GSTP1: variants seen among roughly 807,000 people sequenced by gnomAD.
The protein encoded by GSTP1 is glutathione S-transferase P.
A neutral mutation model predicts 29.4 loss-of-function variants in GSTP1; 28 were observed. That is an observed-to-expected ratio of 0.95 (90% CI 0.71 to 1.30). The LOEUF (loss-of-function observed/expected upper bound fraction) is 1.30. Ranked by LOEUF, GSTP1 falls within the 50% of genes most tolerant of loss-of-function variation. GSTP1 has a pLI of 0.00. For synonymous variants in GSTP1, 122 were observed against 117.0 expected, an observed-to-expected ratio of 1.04 and a Z score of -0.28; for missense variants, 267 against 266.1, an observed-to-expected ratio of 1.00 and a Z score of -0.02.
In GSTP1 at chr11:67,585,131, A is replaced by G; in HGVS notation, c.233-7A>G. 3 of 1,598,292 alleles carry G rather than the reference A, an allele frequency of 1.9e-6. No individual in the cohort carries two copies. The South Asian group carries it at 3.3e-5, about 18-fold the overall frequency. On this transcript the variant is annotated splice_polypyrimidine_tract_variant and splice_region_variant and intron_variant, in intron 4 of 6. Transcript: ENST00000398606. The stretch of plus-strand genomic sequence containing the variant: ...CACGCGGCCTGCTCCCCTCCACCCA[A>G]CCCCAGGGCTCTATGGGAAGGACCA...
Position 67,584,178 on chromosome 11 carries a change from A to G in GSTP1, c.37+9A>G. On this transcript the variant is annotated intron_variant, in intron 2 of 6. Transcript: ENST00000398606. ...CTATTTCCCAGTTCGAGGTAGGAGC[A>G]TGTGTCTGGCAGGGAAGGGAGGCAG... 2 of 1,609,110 alleles carry G rather than the reference A, an allele frequency of 1.2e-6. No individual in the cohort carries two copies. The highest frequency in any genetic ancestry group is 1.7e-4 in the Middle Eastern group (1 of 6,044).
chr11:67,585,747 C>T (rs1346889168), intron 5 of GSTP1, among the ~76,000 whole-genome samples: 1 of 151,958 alleles, frequency 6.6e-6, no homozygotes, highest in Non-Finnish European at 1.5e-5. Context: ...GATGGGCGGG[C>T]AGTAGGCCCA....
intron 2 of GSTP1, 135 bp downstream of exon 2, chr11:67,584,304 C>T (rs943326147): frequency 4.5e-5 from 33 of 733,276 alleles, no homozygotes; most frequent in Non-Finnish European, 7.5e-5. Context: ...CTTCCTGTTC[C>T]CCGCCTCTCC....
At position 67,584,457 on chromosome 11, in the gene GSTP1, C is replaced by A. The variant is rs976133059; in HGVS notation, c.38-7C>A. On this transcript the variant is annotated splice_region_variant and splice_polypyrimidine_tract_variant and intron_variant, in intron 2 of 6. Coordinates refer to ENST00000398606, the MANE Select transcript of GSTP1 (RefSeq NM_000852.4). Reference sequence around the variant, plus strand: ...TCCCCACATCTCGTACTTCTCCCTCCCCGCAGGCCGCTGCGCGGCCCTGCG... The same window carrying A: ...TCCCCACATCTCGTACTTCTCCCTCACCGCAGGCCGCTGCGCGGCCCTGCG... 9 of 1,472,492 alleles carry A rather than the reference C, an allele frequency of 6.1e-6. No individual in the cohort carries two copies. Among genetic ancestry groups the A allele is most frequent in the Non-Finnish European group, 8.2e-6 (9 of 1,098,646 alleles). The allele number at this position is 1,472,492 out of a possible 1,614,324, so 91.2% of individuals were successfully genotyped here.
chr11:67,586,073 G>A, intron 5 of GSTP1, 31 bp from the exon 6 acceptor site: 4 of 1,527,744 alleles, frequency 2.6e-6, no homozygotes, highest in Non-Finnish European at 3.6e-6. Context: ...GGAGGGATGA[G>A]AGTAGGATGA....
chr11:67,584,967 G>A (rs1235825972), intron 4 of GSTP1, 171 bp from the exon 5 acceptor site: 1 of 641,428 alleles, frequency 1.6e-6, no homozygotes, highest in Non-Finnish European at 2.7e-6. Flanking sequence ...CCAGGTGTCA[G>A]GTGAGCTCTG....
At chr11:67,585,091 G>C (rs2134394062) in intron 4 of GSTP1, 47 bp from the exon 5 acceptor site, 1 of 1,244,208 alleles carries the variant, frequency 8.0e-7, no homozygotes, top group South Asian at 1.2e-5. Context: ...ACTGTGTGTT[G>C]ATCAGGCGCC....
intron 2 of GSTP1, 71 bp downstream of exon 2, chr11:67,584,240 G>A (rs1867427101): frequency 5.7e-6 from 7 of 1,238,098 alleles, no homozygotes; most frequent in Non-Finnish European, 8.2e-6. Flanking sequence ...TCGCCCACCC[G>A]GAGAGATCCG....
At chr11:67,584,374 G>T in intron 2 of GSTP1, 90 bp from the exon 3 acceptor site, 2 of 755,582 alleles carry the variant, frequency 2.6e-6, no homozygotes, top group Non-Finnish European at 4.3e-6. Context: ...CTGTTTCCCT[G>T]TTCCCTCCCT....
chr11:67,585,311 C>G, intron 5 of GSTP1, 70 bp downstream of exon 5: 2 of 1,087,862 alleles, frequency 1.8e-6, no homozygotes, highest in South Asian at 1.4e-5. Context: ...CCCTCACCCC[C>G]CTTACCCCTC....
rs572199398 is a variant in GSTP1, at chr11:67,584,268, G to A, written c.37+99G>A. The A allele has an allele frequency of 1.0e-5, 10 of 974,738 alleles. No homozygotes were observed. In the African/African-American group the frequency reaches 1.1e-4, roughly 11 times the overall value. The allele number at this position is 974,738 out of a possible 1,614,324, so 60.4% of individuals were successfully genotyped here. ...GAGATCCGAACCCCCTTATCCCTCC[G>A]TCGTGTGGCTTTTACCCCGGGCCTC... On this transcript the variant is annotated intron_variant, in intron 2 of 6. Transcript: ENST00000398606.
chr11:67,584,434 C>A, intron 2 of GSTP1, 30 bp from the exon 3 acceptor site: 1 of 1,289,222 alleles, frequency 7.8e-7, no homozygotes, highest in Non-Finnish European at 1.1e-6. Flanking sequence ...CGGCCCGGTC[C>A]CCACATCTCG....
At chr11:67,585,312 C>T in intron 5 of GSTP1, 71 bp downstream of exon 5, 4 of 1,088,140 alleles carry the variant, frequency 3.7e-6, no homozygotes, top group Non-Finnish European at 5.5e-6. Flanking sequence ...CCTCACCCCC[C>T]TTACCCCTCA....
chr11:67,585,259 G>A lies in GSTP1; in HGVS notation c.336+18G>A, dbSNP rs1167811065. 6.6e-7 allele frequency: 1 copy of A among 1,510,704 alleles called. No homozygotes were observed. The highest frequency in any genetic ancestry group is 1.7e-5 in the Admixed American group (1 of 59,772). The allele number at this position is 1,510,704 out of a possible 1,614,324, so 93.6% of individuals were successfully genotyped here. On this transcript the variant is annotated intron_variant, in intron 5 of 6. Coordinates refer to ENST00000398606, the MANE Select transcript of GSTP1 (RefSeq NM_000852.4). ...CCAACTATGTGAGCATCTGCACCAG[G>A]GTTGGGCACTGGGGGCTGAACAAAG...
intron 5 of GSTP1, 47 bp from the exon 6 acceptor site, chr11:67,586,057 G>C (rs750443473): frequency 7.0e-7 from 1 of 1,432,948 alleles, no homozygotes; most frequent in African/African-American, 1.4e-5. Flanking sequence ...GGTGTCTCAG[G>C]GGCTGGGAGG....
At position 67,584,262 on chromosome 11, in the gene GSTP1, C is replaced by G. The variant is rs1867427425; in HGVS notation, c.37+93C>G. ...CCCGGAGAGATCCGAACCCCCTTAT[C>G]CCTCCGTCGTGTGGCTTTTACCCCG... is the stretch of plus-strand genomic sequence containing the variant. On this transcript the variant is annotated intron_variant, in intron 2 of 6. Transcript: ENST00000398606. 2.9e-6 allele frequency: 3 copies of G among 1,024,262 alleles called. No individual in the cohort carries two copies. The South Asian group carries it at 4.1e-5, about 14-fold the overall frequency. The allele number at this position is 1,024,262 out of a possible 1,614,324, so 63.4% of individuals were successfully genotyped here. A position where few individuals can be genotyped will look rare whatever the true frequency, so the allele number is the denominator to read the frequency against.
chr11:67,584,016 GC>G (rs1470018322), intron 1 of GSTP1, 117 bp from the exon 2 acceptor site: 1 of 749,566 alleles, frequency 1.3e-6, no homozygotes, highest in Non-Finnish European at 2.2e-6. Context: ...CTTTCAGGGG[GC>G]CCGGAGCGCC....
intron 1 of GSTP1, 141 bp downstream of exon 1, chr11:67,583,985 C>T (rs933560449): frequency 1.5e-6 from 1 of 677,420 alleles, no homozygotes; most frequent in Non-Finnish European, 2.7e-6. Flanking sequence ...GGACCCAGGA[C>T]GTCCCCAGTG....
In GSTP1 at chr11:67,586,550, C is replaced by T. The variant is rs1591100989; in HGVS notation, c.606C>T (p.Leu202=). ...TGGCCTCCCCTGAGTACGTGAACCT[C>T]CCCATCAATGGCAACGGGAAACAGT... The part of the protein sequence containing the change: ...AFLASPEYVN[L]PINGNGKQ The change falls in exon 7 of 7, where the codon CTC becomes CTT. Residue 202 remains leucine (L), a synonymous_variant. Coordinates refer to ENST00000398606, the MANE Select transcript of GSTP1 (RefSeq NM_000852.4). 6.2e-7 allele frequency: 1 copy of T among 1,613,306 alleles called. No individual in the cohort carries two copies.
Sources: gnomAD v4.1 joint callset for allele counts (sites outside exome capture counted in the v4.1 genomes callset) on GRCh38, gnomAD v4.1.1 for gene constraint, MANE v1.5 for transcripts, NCBI Gene and HGNC (gene_info 2026-07-23, HGNC 2026-07-21) for gene names.